The following FOXO1 variants were observed in gnomAD, a reference collection of about 807,000 sequenced individuals.
The protein encoded by FOXO1 is forkhead box O1, also known as forkhead box protein O1.
Under a neutral mutation model 44.1 loss-of-function variants are expected in FOXO1, and 6 were observed. That is an observed-to-expected ratio of 0.14 (90% CI 0.07 to 0.27). The LOEUF is 0.27. Among genes scored for constraint, FOXO1 ranks in the 10% least tolerant of loss-of-function variants. The probability of loss-of-function intolerance (pLI) is 1.00; values close to 1 mark genes in which losing one functional copy is unlikely to be tolerated. For missense variants in FOXO1, 737 were observed against 888.8 expected, an observed-to-expected ratio of 0.83 and a Z score of 2.17; for synonymous variants, 380 against 362.7, an observed-to-expected ratio of 1.05 and a Z score of -0.54.
intron 1 of FOXO1, among the ~76,000 whole-genome samples, chr13:40,572,496 T>C (rs1874571207): frequency 6.6e-6 from 1 of 152,216 alleles, no homozygotes; most frequent in Non-Finnish European, 1.5e-5. Flanking sequence ...TTACACTACC[T>C]GCAATGTTGG....
In FOXO1 at chr13:40,557,889, G is replaced by A. The variant is rs774130709; in HGVS notation, c.*1160C>T. ...GTCTCTAGAGAAGACTTGATGCTAT[G>A]CAGTACGCATAGTTCAGTAGAAGCA... On this transcript the variant is annotated 3_prime_UTR_variant, in exon 3 of 3. Coordinates refer to ENST00000379561, the MANE Select transcript of FOXO1 (RefSeq NM_002015.4). 2 of 152,312 alleles carry A rather than the reference G, an allele frequency of 1.3e-5. No homozygotes were observed. Among genetic ancestry groups the A allele is most frequent in the South Asian group, 4.1e-4 (2 of 4,826 alleles). 9.4% of individuals were successfully genotyped at this position (152,312 alleles called of 1,614,324 possible).
chr13:40,618,970 A>G lies in FOXO1; in HGVS notation c.630+46613T>C, dbSNP rs2137899588. Reference sequence around the variant, plus strand: ...GGTTAGATGGGGTCAACAAACAACTAGCATCTCAGCCTGACTCGAGAAATG... The same window carrying G: ...GGTTAGATGGGGTCAACAAACAACTGGCATCTCAGCCTGACTCGAGAAATG... On this transcript the variant is annotated intron_variant, in intron 1 of 2. Transcript: ENST00000379561. 3.8e-6 allele frequency: 2 copies of G among 523,646 alleles called. 1 individual carries two copies. The highest frequency in any genetic ancestry group is 2.8e-5 in the South Asian group (2 of 72,030). The allele number at this position is 523,646 out of a possible 1,614,324, so 32.4% of individuals were successfully genotyped here.
At chr13:40,620,436 G>C in intron 1 of FOXO1, 1 of 653,012 alleles carries the variant, frequency 1.5e-6, no homozygotes, top group South Asian at 1.6e-5. Context: ...GAACGAGCTT[G>C]TTGAGCCATC....
intron 1 of FOXO1, among the ~76,000 whole-genome samples, chr13:40,571,334 C>A (rs1874485517): frequency 1.3e-5 from 2 of 152,036 alleles, no homozygotes; most frequent in South Asian, 4.2e-4. Context: ...AACAAGCCTG[C>A]ACATTGTGCA....
intron 1 of FOXO1, among the ~76,000 whole-genome samples, chr13:40,645,958 C>T (rs987376996): frequency 1.3e-5 from 2 of 151,482 alleles, no homozygotes; most frequent in Admixed American, 1.3e-4. Flanking sequence ...CCAGCTACTC[C>T]GGTGAGGCTG....
chr13:40,645,680 G>A (rs376117095), intron 1 of FOXO1, among the ~76,000 whole-genome samples: 6 of 152,152 alleles, frequency 3.9e-5, no homozygotes, highest in Admixed American at 1.3e-4. Context: ...TGAGGGGGCC[G>A]AAAATGAGAA....
chr13:40,621,977 A>C (rs1848662516), intron 1 of FOXO1, among the ~76,000 whole-genome samples: 1 of 152,234 alleles, frequency 6.6e-6, no homozygotes, highest in African/African-American at 2.4e-5. Flanking sequence ...AGATCATCTC[A>C]GAGAGAAAAG....
intron 1 of FOXO1, among the ~76,000 whole-genome samples, chr13:40,664,441 AG>A (rs895780794): frequency 2.6e-5 from 4 of 151,884 alleles, no homozygotes; most frequent in African/African-American, 9.7e-5. Flanking sequence ...GGAGTCGGGA[AG>A]TGCCTGCCCC....
At chr13:40,618,037 G>A (rs557793120) in intron 1 of FOXO1, among the ~76,000 whole-genome samples, 7 of 152,244 alleles carry the variant, frequency 4.6e-5, no homozygotes, top group East Asian at 1.9e-4. Context: ...ATCATCTGCC[G>A]TTCTAGATAT....
At chr13:40,571,287 G>T (rs866431104) in intron 1 of FOXO1, among the ~76,000 whole-genome samples, 3 of 151,966 alleles carry the variant, frequency 2.0e-5, no homozygotes, top group African/African-American at 7.3e-5. Flanking sequence ...CGAGTAAATG[G>T]GTGCAGCACA....
At chr13:40,630,146 C>T (rs1340216320) in intron 1 of FOXO1, among the ~76,000 whole-genome samples, 1 of 152,070 alleles carries the variant, frequency 6.6e-6, no homozygotes, top group African/African-American at 2.4e-5. Context: ...GAACTCCAGT[C>T]CTGCCACAAT....
At chr13:40,592,990 G>T (rs939122816) in intron 1 of FOXO1, among the ~76,000 whole-genome samples, 5 of 152,136 alleles carry the variant, frequency 3.3e-5, no homozygotes, top group Non-Finnish European at 7.4e-5. Flanking sequence ...TATGCCTCAA[G>T]AATAAAGGGA....
intron 1 of FOXO1, among the ~76,000 whole-genome samples, chr13:40,661,301 G>C (rs914966130): frequency 1.7e-4 from 26 of 151,320 alleles, no homozygotes; most frequent in Non-Finnish European, 3.7e-4. Flanking sequence ...TTGGAGACAG[G>C]GTCTCCCTCT....
At chr13:40,610,990 T>A (rs1487933179) in intron 1 of FOXO1, 2 of 452,854 alleles carry the variant, frequency 4.4e-6, no homozygotes, top group Admixed American at 2.4e-5. Flanking sequence ...TACACATACA[T>A]CTACATAAAT....
At chr13:40,632,590 A>G (rs1410162342) in intron 1 of FOXO1, among the ~76,000 whole-genome samples, 1 of 151,740 alleles carries the variant, frequency 6.6e-6, no homozygotes, top group Non-Finnish European at 1.5e-5. Context: ...GTGAGCTGAG[A>G]TAGTGCCATT....
chr13:40,653,323 T>C (rs926493640), intron 1 of FOXO1, among the ~76,000 whole-genome samples: 3 of 152,146 alleles, frequency 2.0e-5, no homozygotes, highest in African/African-American at 4.8e-5. Context: ...CTCTCACCCT[T>C]GCCACTGCTG....
At chr13:40,634,925 C>T (rs1281862510) in intron 1 of FOXO1, among the ~76,000 whole-genome samples, 5 of 152,132 alleles carry the variant, frequency 3.3e-5, no homozygotes, top group African/African-American at 1.2e-4. Flanking sequence ...GATCCACCCA[C>T]CTCAGCCTCC....
intron 1 of FOXO1, among the ~76,000 whole-genome samples, chr13:40,587,114 G>A (rs916312736): frequency 2.0e-5 from 3 of 152,072 alleles, no homozygotes; most frequent in Non-Finnish European, 4.4e-5. Flanking sequence ...TTCAAACTGG[G>A]ACTCCAAGAA....
intron 1 of FOXO1, among the ~76,000 whole-genome samples, chr13:40,659,731 C>T (rs936059192): frequency 3.9e-5 from 6 of 152,042 alleles, no homozygotes; most frequent in South Asian, 2.1e-4. Context: ...AATAAGTCAA[C>T]CCTAGATTCA....
Sources: allele counts gnomAD v4.1 joint callset (sites outside exome capture counted in the v4.1 genomes callset), GRCh38; gene constraint gnomAD v4.1.1; transcripts MANE v1.5; gene names NCBI Gene and HGNC (gene_info 2026-07-23, HGNC 2026-07-21).